DCLK1: variants seen among roughly 807,000 people sequenced by gnomAD.
DCLK1 encodes the protein doublecortin like kinase 1.
Under a neutral mutation model 86.2 loss-of-function variants are expected in DCLK1, and 16 were observed. The ratio of observed to expected loss-of-function variants is 0.19; its 90% CI spans 0.13 to 0.28. The LOEUF (loss-of-function observed/expected upper bound fraction) is 0.28. DCLK1 is among the 10% of genes least tolerant of loss of function. The pLI is 1.00. For missense variants in DCLK1, 590 were observed against 940.2 expected (o/e 0.63, Z 4.87); for synonymous variants, 369 against 370.5 (o/e 1.00, Z 0.05).
intron 4 of DCLK1, among the ~76,000 whole-genome samples, chr13:35,938,445 C>T (rs891338028): frequency 2.5e-4 from 38 of 152,138 alleles, no homozygotes; most frequent in African/African-American, 8.7e-4. Flanking sequence ...CTGGCTAACA[C>T]GGTGAAACCC....
chr13:36,091,523 A>G (rs1884829110), intron 3 of DCLK1, among the ~76,000 whole-genome samples: 2 of 152,188 alleles, frequency 1.3e-5, no homozygotes, highest in South Asian at 4.1e-4. Flanking sequence ...CTTTTAATCT[A>G]CATTTGGCCA....
intron 4 of DCLK1, among the ~76,000 whole-genome samples, chr13:35,902,021 A>G (rs751092355): frequency 4.6e-5 from 7 of 152,174 alleles, no homozygotes; most frequent in Non-Finnish European, 8.8e-5. Context: ...CCACACTTTG[A>G]AGGGTAATGT....
At chr13:35,851,966 G>A (rs958643105) in intron 6 of DCLK1, among the ~76,000 whole-genome samples, 4 of 151,240 alleles carry the variant, frequency 2.6e-5, no homozygotes, top group African/African-American at 4.9e-5. Context: ...TAAAATGGGG[G>A]CAAGGCGCGC....
chr13:35,805,826 A>T (rs1190743643), intron 14 of DCLK1, 47 bp from the exon 15 acceptor site: 4 of 1,558,166 alleles, frequency 2.6e-6, no homozygotes, highest in African/African-American at 1.4e-5. Flanking sequence ...TTAAGGTGAA[A>T]AGCTGTATGT....
chr13:35,903,370 T>A (rs1321275060), intron 4 of DCLK1, among the ~76,000 whole-genome samples: 1 of 152,204 alleles, frequency 6.6e-6, no homozygotes, highest in African/African-American at 2.4e-5. Context: ...ATTGAACAGT[T>A]TTCTAACCTC....
intron 15 of DCLK1, among the ~76,000 whole-genome samples, chr13:35,801,343 T>C (rs1017514547): frequency 2.0e-5 from 3 of 152,232 alleles, no homozygotes; most frequent in South Asian, 4.1e-4. Flanking sequence ...CTTTTAACAA[T>C]TGATTATTTT....
intron 3 of DCLK1, among the ~76,000 whole-genome samples, chr13:35,960,035 C>G (rs1878373338): frequency 6.6e-6 from 1 of 152,128 alleles, no homozygotes; most frequent in Non-Finnish European, 1.5e-5. Flanking sequence ...ATCATCATGA[C>G]TATCCCTTTC....
chr13:36,035,394 C>G (rs1163978301), intron 3 of DCLK1, among the ~76,000 whole-genome samples: 2 of 152,156 alleles, frequency 1.3e-5, no homozygotes, highest in African/African-American at 4.8e-5. Context: ...AAATGAAGCA[C>G]TGGATAACTC....
At position 35,933,013 on chromosome 13, in the gene DCLK1, G is replaced by A. The variant is rs551516604; in HGVS notation, c.823+14345C>T. 7.9e-5 allele frequency among the ~76,000 whole-genome samples: 12 copies of A among 152,328 alleles called. 1 individual carries two copies. The highest frequency in any genetic ancestry group is 2.6e-4 in the African/African-American group (11 of 41,578). On this transcript the variant is annotated intron_variant, in intron 4 of 16. Transcript: ENST00000360631. ...TAGTTACTTCCTAGATACAATGGGGGTACGGGCACTGGGTAAATACAACAA... is the reference window on the plus strand; with the variant it reads ...TAGTTACTTCCTAGATACAATGGGGATACGGGCACTGGGTAAATACAACAA...
intron 3 of DCLK1, among the ~76,000 whole-genome samples, chr13:36,018,140 T>C (rs1352105785): frequency 6.6e-6 from 1 of 152,208 alleles, no homozygotes; most frequent in Non-Finnish European, 1.5e-5. Flanking sequence ...AGGAACTTAA[T>C]GTGTTAGAGT....
intron 6 of DCLK1, among the ~76,000 whole-genome samples, chr13:35,841,195 A>G (rs1238310276): frequency 6.6e-6 from 1 of 152,206 alleles, no homozygotes; most frequent in Non-Finnish European, 1.5e-5. Flanking sequence ...TAGAATACAA[A>G]GACACATTCT....
intron 3 of DCLK1, among the ~76,000 whole-genome samples, chr13:36,020,676 T>A (rs1881738950): frequency 6.6e-6 from 1 of 152,134 alleles, no homozygotes; most frequent in Admixed American, 6.5e-5. Context: ...AAATCTGACT[T>A]CTTGTTGGAA....
intron 3 of DCLK1, among the ~76,000 whole-genome samples, chr13:36,022,144 T>C (rs1050081363): frequency 2.0e-5 from 3 of 152,008 alleles, no homozygotes; most frequent in Admixed American, 2.0e-4. Flanking sequence ...TATGAATATA[T>C]GGAAATTAAA....
At chr13:35,804,303 T>TC (rs1283573335) in intron 15 of DCLK1, among the ~76,000 whole-genome samples, 4 of 148,580 alleles carry the variant, frequency 2.7e-5, no homozygotes, top group Admixed American at 6.7e-5. Flanking sequence ...GCTATTTTTT[T>TC]TTTTTTTTTT....
intron 3 of DCLK1, among the ~76,000 whole-genome samples, chr13:36,076,611 C>A (rs986283975): frequency 2.0e-5 from 3 of 152,136 alleles, no homozygotes; most frequent in Non-Finnish European, 4.4e-5. Flanking sequence ...TATAGTAAGA[C>A]CCTAGTCCTT....
chr13:35,823,870 G>A (rs933610579), intron 10 of DCLK1, among the ~76,000 whole-genome samples: 8 of 152,196 alleles, frequency 5.3e-5, no homozygotes, highest in African/African-American at 1.9e-4. Context: ...TGGGCCCTCT[G>A]TGCCCCTGTA....
chr13:35,958,270 T>TCACCACCA (rs1878232360), intron 3 of DCLK1, among the ~76,000 whole-genome samples: 1 of 3,892 alleles, frequency 2.6e-4, no homozygotes, highest in African/African-American at 9.6e-4. Context: ...ACTATAACCA[T>TCACCACCA]TACCACCATC....
chr13:35,912,637 C>T (rs1880143948), intron 4 of DCLK1, among the ~76,000 whole-genome samples: 1 of 152,268 alleles, frequency 6.6e-6, no homozygotes, highest in African/African-American at 2.4e-5. Flanking sequence ...ACTTCTATCA[C>T]TAAGTAAAAT....
In DCLK1 at chr13:35,773,967, G is replaced by C. The variant is rs959313720; in HGVS notation, c.*568C>G. Reference sequence around the variant, plus strand: ...ATATCTCTAATGAAAAAAAAAATCTGTTTCTGAATAGGATTGTGAAGAAGA... The same window carrying C: ...ATATCTCTAATGAAAAAAAAAATCTCTTTCTGAATAGGATTGTGAAGAAGA... On this transcript the variant is annotated 3_prime_UTR_variant, in exon 17 of 17. Transcript: ENST00000360631. 29 of 152,032 alleles carry C rather than the reference G, an allele frequency of 1.9e-4. No homozygotes were observed. The highest frequency in any genetic ancestry group is 6.8e-4 in the African/African-American group (28 of 41,294). The allele number at this position is 152,032 out of a possible 1,614,324, so 9.4% of individuals were successfully genotyped here.
Sources: allele counts gnomAD v4.1 joint callset (sites outside exome capture counted in the v4.1 genomes callset), GRCh38; gene constraint gnomAD v4.1.1; transcripts MANE v1.5; gene names NCBI Gene and HGNC (gene_info 2026-07-23, HGNC 2026-07-21).